ANKRD17: variants seen among roughly 807,000 people sequenced by gnomAD.
ANKRD17 encodes ankyrin repeat domain-containing protein 17.
ANKRD17 carries 19 observed loss-of-function variants against 229.7 expected under a neutral mutation model. The observed-to-expected ratio is 0.08, with a 90% CI of 0.06 to 0.12. The LOEUF (loss-of-function observed/expected upper bound fraction) is 0.12, where lower values mean the gene tolerates loss of function less well. Ranked by LOEUF, ANKRD17 falls within the 10% of genes least tolerant of loss-of-function variation. The probability of loss-of-function intolerance (pLI) is 1.00; values close to 1 mark genes in which losing one functional copy is unlikely to be tolerated. For synonymous variants in ANKRD17, 1,112 were observed against 1,146.1 expected (o/e 0.97, Z 0.60); for missense variants, 2,176 against 3,176.8 (o/e 0.68, Z 7.57).
chr4:73,160,463 C>T (rs1159819230), intron 3 of ANKRD17, among the ~76,000 whole-genome samples: 1 of 152,064 alleles, frequency 6.6e-6, no homozygotes, highest in East Asian at 1.9e-4. Flanking sequence ...AGGTGATCCG[C>T]CCGCCTCGGC....
intron 10 of ANKRD17, among the ~76,000 whole-genome samples, chr4:73,146,130 T>A (rs1198111310): frequency 6.6e-6 from 1 of 152,094 alleles, no homozygotes; most frequent in African/African-American, 2.4e-5. Flanking sequence ...GCTTCACTCA[T>A]AACATTTTTT....
intron 1 of ANKRD17, among the ~76,000 whole-genome samples, chr4:73,210,331 CAAT>C (rs1740084680): frequency 6.6e-6 from 1 of 151,940 alleles, no homozygotes; most frequent in African/African-American, 2.4e-5. Context: ...TTAGCAGTTA[CAAT>C]AATATCAAAA....
chr4:73,121,816 G>A, intron 18 of ANKRD17, 57 bp from the exon 19 acceptor site: 7 of 1,501,548 alleles, frequency 4.7e-6, no homozygotes, highest in South Asian at 1.4e-5. Context: ...TTACCAAAGT[G>A]TGTATTTTTA....
In ANKRD17 at chr4:73,141,762, T is replaced by C. The variant is rs760663061; in HGVS notation, c.2311A>G (p.Thr771Ala). The C allele has an allele frequency of 6.2e-7, 1 of 1,613,430 alleles. No individual in the cohort carries two copies. The highest frequency in any genetic ancestry group is 8.5e-7 in the Non-Finnish European group (1 of 1,179,702). The change falls in exon 14 of 34, where the codon ACT becomes GCT. Residue 771 changes from threonine to alanine, a missense_variant. Physicochemically the swap from Thr to Ala is moderately conservative, Grantham distance 58. This residue lies in a region of ANKRD17 where 275 missense variants were observed against 386.9 expected (regional missense o/e 0.71). Transcript: ENST00000358602. ...PDKPPANVATTLPIRNKAASK... is the reference protein window; with the variant it reads ...PDKPPANVATALPIRNKAASK... ...TGACCTTTATTCCTGATGGGAAGAGTGGTGGCAACATTGGCAGGTGGTTTG... is the reference window on the plus strand; with the variant it reads ...TGACCTTTATTCCTGATGGGAAGAGCGGTGGCAACATTGGCAGGTGGTTTG...
At chr4:73,116,066 G>A in intron 22 of ANKRD17, 150 bp from the exon 23 acceptor site, 1 of 637,416 alleles carries the variant, frequency 1.6e-6, no homozygotes, top group Non-Finnish European at 2.7e-6. Flanking sequence ...GACAGGCTTT[G>A]GTTCCAGTGA....
At chr4:73,117,290 G>A (rs1726091245) in intron 22 of ANKRD17, among the ~76,000 whole-genome samples, 1 of 152,114 alleles carries the variant, frequency 6.6e-6, no homozygotes, top group Non-Finnish European at 1.5e-5. Flanking sequence ...AAAAGACCAA[G>A]CAAGAAGATA....
At position 73,137,831 on chromosome 4, in the gene ANKRD17, GTT is replaced by G. The variant is rs377429600; in HGVS notation, c.3085+1698_3085+1699del. 2.7e-3 allele frequency among the ~76,000 whole-genome samples: 417 copies of G among 152,158 alleles called. 2 individuals are homozygous for G. Among genetic ancestry groups the G allele is most frequent in the African/African-American group, 9.4e-3 (391 of 41,538 alleles). On this transcript the variant is annotated intron_variant, in intron 15 of 33. Transcript: ENST00000358602. The stretch of plus-strand genomic sequence containing the variant: ...CAGAACACTGAGAATACACAGAATT[GTT>G]TTTGTTTCATGTATGAATCAAAAGA...
rs200140210 is a variant in ANKRD17, at chr4:73,185,181, AAAT to A, written c.394-7651_394-7649del. 2.9e-3 allele frequency among the ~76,000 whole-genome samples: 444 copies of A among 151,844 alleles called. 12 individuals are homozygous for A. The East Asian group carries it at 0.063, about 21-fold the overall frequency. ...CCCCATCTGATGTTTTCCGAAGAAA[AAAT>A]AATAATAAATAAAAAATATTTAAAA... is the stretch of plus-strand genomic sequence containing the variant. On this transcript the variant is annotated intron_variant, in intron 1 of 33. Transcript: ENST00000358602.
intron 17 of ANKRD17, 59 bp downstream of exon 17, chr4:73,125,142 T>A: frequency 6.3e-7 from 1 of 1,591,286 alleles, no homozygotes; most frequent in South Asian, 1.1e-5. Context: ...TAAAAAATAA[T>A]GTTCCTAAAT....
rs541494919 is a variant in ANKRD17 at position 73,200,661 on chromosome 4, A to T, written c.394-23128T>A. ...TATCTTGACTGAAAGGCATTTAGTC[A>T]TTCTAAATGCCATTAGTTTTTGTTG... is the stretch of plus-strand genomic sequence containing the variant. On this transcript the variant is annotated intron_variant, in intron 1 of 33. Coordinates refer to ENST00000358602, the MANE Select transcript of ANKRD17 (RefSeq NM_032217.5). 9.0e-4 allele frequency among the ~76,000 whole-genome samples: 137 copies of T among 152,286 alleles called. 1 individual carries two copies. In the South Asian group the frequency reaches 0.012, roughly 13 times the overall value.
At chr4:73,109,288 A>T (rs1725012279) in intron 24 of ANKRD17, among the ~76,000 whole-genome samples, 1 of 144,058 alleles carries the variant, frequency 6.9e-6, no homozygotes, top group Non-Finnish European at 1.5e-5. Flanking sequence ...TGACAGAGTG[A>T]GGCGCTGTCT....
chr4:73,178,526 T>C (rs1735033100), intron 1 of ANKRD17, among the ~76,000 whole-genome samples: 1 of 152,084 alleles, frequency 6.6e-6, no homozygotes, highest in Non-Finnish European at 1.5e-5. Flanking sequence ...AATACAATCA[T>C]ATCAGTACAG....
chr4:73,254,304 A>G (rs991990939), intron 1 of ANKRD17, among the ~76,000 whole-genome samples: 7 of 152,168 alleles, frequency 4.6e-5, no homozygotes, highest in African/African-American at 1.7e-4. Context: ...AGTCAGTACT[A>G]ATTTATTTAC....
chr4:73,094,715 T>C (rs1723117265), intron 27 of ANKRD17, among the ~76,000 whole-genome samples: 1 of 115,514 alleles, frequency 8.7e-6, no homozygotes, highest in Non-Finnish European at 1.9e-5. Flanking sequence ...TATATACATG[T>C]ATATATGTGT....
At chr4:73,122,343 T>C (rs1726854264) in intron 18 of ANKRD17, among the ~76,000 whole-genome samples, 1 of 152,302 alleles carries the variant, frequency 6.6e-6, no homozygotes, top group Admixed American at 6.5e-5. Flanking sequence ...GTACACTCCC[T>C]TCAATAATGC....
In ANKRD17 at chr4:73,161,111, T is replaced by TA. The variant is rs142868245; in HGVS notation, c.704+80dup. On this transcript the variant is annotated intron_variant, in intron 3 of 33. Coordinates refer to ENST00000358602, the MANE Select transcript of ANKRD17 (RefSeq NM_032217.5). ...AGCACAGTGCCAGCCAGGCACAAAA[T>TA]AAATGCTCAGTAAATGTTAGCTATT... 2,635 of 1,523,746 alleles carry TA rather than the reference T, an allele frequency of 1.7e-3. 61 individuals are homozygous for TA. In the East Asian group the frequency reaches 0.045, roughly 26 times the overall value. 94.4% of individuals were successfully genotyped at this position (1,523,746 alleles called of 1,614,324 possible).
At chr4:73,125,611 T>TA (rs1252963575) in intron 16 of ANKRD17, among the ~76,000 whole-genome samples, 3 of 151,828 alleles carry the variant, frequency 2.0e-5, no homozygotes, top group African/African-American at 7.3e-5. Flanking sequence ...TGCGTGCCTG[T>TA]AGTCCCAGCT....
chr4:73,227,073 C>A (rs766396378), intron 1 of ANKRD17, among the ~76,000 whole-genome samples: 1 of 152,160 alleles, frequency 6.6e-6, no homozygotes, highest in Non-Finnish European at 1.5e-5. Context: ...CTGCAGGATA[C>A]CATGGGCAAA....
intron 15 of ANKRD17, among the ~76,000 whole-genome samples, chr4:73,137,281 G>C (rs1263111599): frequency 6.6e-6 from 1 of 152,068 alleles, no homozygotes; most frequent in Non-Finnish European, 1.5e-5. Context: ...AGAAAAAAGG[G>C]AACTTGAAAT....
Sources: gnomAD v4.1 joint callset for allele counts (sites outside exome capture counted in the v4.1 genomes callset) on GRCh38, gnomAD v4.1.1 for gene constraint, gnomAD v4.1.1 regional missense constraint, MANE v1.5 for transcripts, NCBI Gene and HGNC (gene_info 2026-07-23, HGNC 2026-07-21) for gene names.